Variants in FER observed in about 807,000 individuals in gnomAD.
The protein encoded by FER is FER tyrosine kinase.
Under a neutral mutation model 111.0 loss-of-function variants are expected in FER, and 63 were observed. The ratio of observed to expected loss-of-function variants is 0.57; its 90% CI spans 0.46 to 0.70. The LOEUF (loss-of-function observed/expected upper bound fraction) is 0.70, where lower values mean the gene tolerates loss of function less well. Ranked by LOEUF, FER falls within the 30% of genes least tolerant of loss-of-function variation. The pLI is 0.00. For missense variants in FER, 914 were observed against 954.0 expected, an observed-to-expected ratio of 0.96 and a Z score of 0.55; for synonymous variants, 327 against 313.9, an observed-to-expected ratio of 1.04 and a Z score of -0.44.
At chr5:109,127,942 C>T (rs991853252) in intron 17 of FER, among the ~76,000 whole-genome samples, 18 of 152,188 alleles carry the variant, frequency 1.2e-4, no homozygotes, top group African/African-American at 4.1e-4. Flanking sequence ...AGTATAAACA[C>T]TGTTTATAGA....
chr5:109,140,502 C>G (rs1582217302), intron 17 of FER, among the ~76,000 whole-genome samples: 1 of 152,014 alleles, frequency 6.6e-6, no homozygotes, highest in East Asian at 1.9e-4. Flanking sequence ...TAGGAAAGAC[C>G]TATGTAGCTA....
In FER at chr5:109,100,649, A is replaced by C. The variant is rs1360419053; in HGVS notation, c.2048+130A>C. The stretch of plus-strand genomic sequence containing the variant: ...TTTCTTGTTTTCTGTATTTTGTGTG[A>C]AAGTGTCCTCTGCTAGTTGTTTATA... On this transcript the variant is annotated intron_variant, in intron 17 of 19. Coordinates refer to ENST00000281092, the MANE Select transcript of FER (RefSeq NM_005246.4). 7 of 930,164 alleles carry C rather than the reference A, an allele frequency of 7.5e-6. No homozygotes were observed. The South Asian group carries it at 1.2e-4, about 17-fold the overall frequency. 57.6% of individuals were successfully genotyped at this position (930,164 alleles called of 1,614,324 possible).
chr5:109,176,483 T>TAG (rs1421852166), intron 17 of FER, among the ~76,000 whole-genome samples: 1 of 151,630 alleles, frequency 6.6e-6, no homozygotes, highest in African/African-American at 2.4e-5. Flanking sequence ...CTGGGAAGGG[T>TAG]AGAGAGGTGG....
At chr5:109,062,925 C>G (rs1662779835) in intron 16 of FER, among the ~76,000 whole-genome samples, 1 of 152,136 alleles carries the variant, frequency 6.6e-6, no homozygotes, top group African/African-American at 2.4e-5. Flanking sequence ...TTTAAAATGA[C>G]TTATGACTTT....
At chr5:108,892,494 A>G (rs1488123364) in intron 9 of FER, among the ~76,000 whole-genome samples, 3 of 151,176 alleles carry the variant, frequency 2.0e-5, no homozygotes, top group African/African-American at 7.3e-5. Context: ...CATATCCTTC[A>G]CCCCCTTTTT....
chr5:109,165,150 G>A (rs1413786037), intron 17 of FER, among the ~76,000 whole-genome samples: 2 of 152,128 alleles, frequency 1.3e-5, no homozygotes, highest in African/African-American at 4.8e-5. Flanking sequence ...CTGGCAAATA[G>A]TAAGTGCTAC....
intron 10 of FER, among the ~76,000 whole-genome samples, chr5:108,936,220 C>G (rs534709523): frequency 6.6e-6 from 1 of 152,064 alleles, no homozygotes; most frequent in African/African-American, 2.4e-5. Flanking sequence ...AATATTTAAA[C>G]TTTTTATTCA....
Position 108,897,801 on chromosome 5 carries a change from C to T in FER, c.1189C>T (p.Pro397Ser). ...GCAAGAAAATGATGGGAAAGAGCCA[C>T]CTCCAGTAGTAAATTATGAAGAAGA... ...KVQENDGKEP[P>S]PVVNYEEDAR... The change falls in exon 10 of 20, where the codon CCT (proline) becomes TCT (serine). Residue 397 changes from proline (P) to serine (S), a missense_variant. By Grantham distance (74) the Pro-to-Ser change is moderately conservative. Around this residue, in one of 3 missense-constraint regions of FER, gnomAD observed 774 missense variants for 782.6 expected, o/e 0.99. Coordinates refer to ENST00000281092, the MANE Select transcript of FER (RefSeq NM_005246.4). 6.2e-7 allele frequency: 1 copy of T among 1,612,944 alleles called. No homozygotes were observed. The highest frequency in any genetic ancestry group is 8.5e-7 in the Non-Finnish European group (1 of 1,179,538).
chr5:109,056,759 G>T (rs1773701905), intron 16 of FER, among the ~76,000 whole-genome samples: 1 of 152,016 alleles, frequency 6.6e-6, no homozygotes, highest in African/African-American at 2.4e-5. Flanking sequence ...GTAAGATGAT[G>T]GATATGTTAA....
At chr5:108,876,403 A>G (rs1765093148) in intron 8 of FER, among the ~76,000 whole-genome samples, 1 of 152,232 alleles carries the variant, frequency 6.6e-6, no homozygotes, top group Non-Finnish European at 1.5e-5. Context: ...CACACTCATT[A>G]CTTCACACAT....
intron 3 of FER, among the ~76,000 whole-genome samples, chr5:108,810,029 T>G (rs1220523951): frequency 6.6e-6 from 1 of 152,222 alleles, no homozygotes; most frequent in Non-Finnish European, 1.5e-5. Context: ...CACTTCTAAT[T>G]TTTGTAATTA....
intron 13 of FER, among the ~76,000 whole-genome samples, chr5:109,004,110 C>G (rs779897592): frequency 1.3e-5 from 2 of 152,156 alleles, no homozygotes; most frequent in Non-Finnish European, 2.9e-5. Flanking sequence ...TCTGCTGATG[C>G]AAATGTAAAT....
At position 109,191,853 on chromosome 5, in the gene FER, A is replaced by G. The variant is rs1003148599; in HGVS notation, c.*4278A>G. 1.3e-5 allele frequency: 2 copies of G among 152,152 alleles called. No individual in the cohort carries two copies. The highest frequency in any genetic ancestry group is 2.9e-5 in the Non-Finnish European group (2 of 68,014). The allele number at this position is 152,152 out of a possible 1,614,324, so 9.4% of individuals were successfully genotyped here. On this transcript the variant is annotated 3_prime_UTR_variant, in exon 20 of 20. Transcript: ENST00000281092. ...TATGAAGATACTGATTTTAAAAGTC[A>G]GGATTTCATGTACCAAGAATGACCT...
intron 13 of FER, among the ~76,000 whole-genome samples, chr5:109,000,756 G>C (rs190534169): frequency 2.3e-3 from 350 of 152,008 alleles, no homozygotes; most frequent in African/African-American, 7.9e-3. Context: ...TAGACCGCTA[G>C]CAAGACTAAT....
intron 10 of FER, among the ~76,000 whole-genome samples, chr5:108,911,256 ATG>A (rs1299042878): frequency 1.3e-5 from 2 of 151,856 alleles, no homozygotes; most frequent in South Asian, 2.1e-4. Flanking sequence ...TTTCTTGGTC[ATG>A]TGTATGTCTT....
Position 108,983,903 on chromosome 5 carries a change from C to A in FER, c.1656+24556C>A, listed in dbSNP as rs149908774. Among the ~76,000 whole-genome samples, 269 of 151,924 alleles carry A rather than the reference C, an allele frequency of 1.8e-3. 1 individual carries two copies. Among genetic ancestry groups the A allele is most frequent in the African/African-American group, 5.6e-3 (233 of 41,280 alleles). On this transcript the variant is annotated intron_variant, in intron 13 of 19. Coordinates refer to ENST00000281092, the MANE Select transcript of FER (RefSeq NM_005246.4). The stretch of plus-strand genomic sequence containing the variant: ...GTATACTTGTGCTCACGCTTTCATT[C>A]TCCCTTTGCTCTATCATCCTCTCTC...
At chr5:109,016,693 T>C (rs1171915235) in intron 13 of FER, among the ~76,000 whole-genome samples, 8 of 152,116 alleles carry the variant, frequency 5.3e-5, no homozygotes, top group Non-Finnish European at 1.0e-4. Flanking sequence ...ATGTGTATAC[T>C]TAGTCAATGT....
intron 5 of FER, chr5:108,841,782 G>T: frequency 2.5e-6 from 1 of 395,186 alleles, no homozygotes; most frequent in Non-Finnish European, 4.9e-6. Flanking sequence ...TGGACCAATG[G>T]TGTGCAAAAT....
chr5:108,805,165 G>C (rs907675042), intron 3 of FER, among the ~76,000 whole-genome samples: 12 of 152,024 alleles, frequency 7.9e-5, no homozygotes, highest in Non-Finnish European at 1.8e-4. Context: ...TTCCTGGGCT[G>C]TTCTCGTGAT....
Sources: allele counts gnomAD v4.1 joint callset (sites outside exome capture counted in the v4.1 genomes callset), GRCh38; gene constraint gnomAD v4.1.1; regional missense constraint gnomAD v4.1.1; transcripts MANE v1.5; gene names NCBI Gene and HGNC (gene_info 2026-07-23, HGNC 2026-07-21).